The following MSN variants were observed in gnomAD, a reference collection of about 807,000 sequenced individuals.
The protein encoded by MSN is moesin.
In MSN, 2 loss-of-function variants were observed where a neutral mutation model predicts 48.0. That is an observed-to-expected ratio of 0.04 (90% CI 0.02 to 0.13). The LOEUF is 0.13. Among genes scored for constraint, MSN ranks in the 10% least tolerant of loss-of-function variants. MSN has a pLI of 1.00. For missense variants in MSN, 267 were observed against 470.1 expected, an observed-to-expected ratio of 0.57 and a Z score of 3.99; for synonymous variants, 146 against 166.9, an observed-to-expected ratio of 0.87 and a Z score of 0.97.
intron 1 of MSN, among the ~76,000 whole-genome samples, chrX:65,593,858 A>G (rs1350125181): frequency 8.9e-6 from 1 of 112,683 alleles, no homozygotes; most frequent in African/African-American, 3.2e-5. Context: ...ATTATTTGGT[A>G]GGGTAAAAAG....
intron 10 of MSN, 101 bp from the exon 11 acceptor site, chrX:65,738,424 C>A: frequency 4.9e-6 from 3 of 612,559 alleles, no homozygotes; most frequent in Non-Finnish European, 7.6e-6. Context: ...GCAAGTGGAG[C>A]AGTAGGTCCC....
intron 1 of MSN, among the ~76,000 whole-genome samples, chrX:65,602,386 T>C (rs2070243284): frequency 8.9e-6 from 1 of 112,060 alleles, no homozygotes; most frequent in African/African-American, 3.3e-5. Context: ...CCCAGCTGTA[T>C]GCAACAGTCT....
In MSN at chrX:65,694,083, A is replaced by C. The variant is rs12013454; in HGVS notation, c.13-22735A>C. Among the ~76,000 whole-genome samples, 335 of 110,556 alleles carry C rather than the reference A, an allele frequency of 3.0e-3. 2 individuals are homozygous for C. Among genetic ancestry groups the C allele is most frequent in the African/African-American group, 8.4e-3 (254 of 30,351 alleles). On this transcript the variant is annotated intron_variant, in intron 1 of 12. Transcript: ENST00000360270. ...AACACACAAACAAAAAACAAAAAAA[A>C]AAAACAAAACGGAGGATAGTACTGA...
At position 65,729,491 on chromosome X, in the gene MSN, C is replaced by G. The variant is rs2147511555; in HGVS notation, c.246C>G (p.Ala82=). The change falls in exon 4 of 13, where the codon GCC becomes GCG. Residue 82 remains alanine, a synonymous_variant. Transcript: ENST00000360270. ...KESPLLFKFR[A]KFYPEDVSEE... is the part of the protein sequence containing the mutation. Reference sequence around the variant, plus strand: ...GCCCCCTGCTCTTTAAGTTCCGTGCCAAGTTCTACCCTGAGGATGTGTCCG... The same window carrying G: ...GCCCCCTGCTCTTTAAGTTCCGTGCGAAGTTCTACCCTGAGGATGTGTCCG... The G allele has an allele frequency of 7.4e-6, 9 of 1,211,658 alleles. No individual in the cohort carries two copies. The highest frequency in any genetic ancestry group is 7.8e-6 in the Non-Finnish European group (7 of 895,494).
intron 1 of MSN, among the ~76,000 whole-genome samples, chrX:65,681,919 T>A (rs1021972446): frequency 9.0e-6 from 1 of 111,359 alleles, no homozygotes; most frequent in Non-Finnish European, 1.9e-5. Flanking sequence ...GCCAGTTTTT[T>A]ATTTTTTTTT....
chrX:65,614,925 A>G, intron 1 of MSN, among the ~76,000 whole-genome samples: 1 of 82,856 alleles, frequency 1.2e-5, no homozygotes, highest in South Asian at 7.0e-4. Context: ...TCATTGTTCA[A>G]TTCCCACCTA....
rs200833135 is a variant in MSN, at chrX:65,738,521, G to A, written c.1252-4G>A. On this transcript the variant is annotated splice_polypyrimidine_tract_variant and splice_region_variant and intron_variant, in intron 10 of 12. Coordinates refer to ENST00000360270, the MANE Select transcript of MSN (RefSeq NM_002444.3). ...GCTCTCACAGGCTTCCAATTTATCC[G>A]TAGGCCTTGGAAATGGCAGAGCTGA... 1.8e-4 allele frequency: 215 copies of A among 1,201,062 alleles called. No homozygotes were observed. In the African/African-American group the frequency reaches 3.1e-3, roughly 17 times the overall value.
At chrX:65,676,813 A>G (rs1404513053) in intron 1 of MSN, among the ~76,000 whole-genome samples, 1 of 107,502 alleles carries the variant, frequency 9.3e-6, no homozygotes, top group African/African-American at 3.4e-5. Flanking sequence ...CCCATGATCC[A>G]TTTCCTTTTT....
In MSN at chrX:65,618,416, G is replaced by T. The variant is rs749679318; in HGVS notation, c.-22+29804G>T. ...ATGTATTGGGTGCATATATATTTAG[G>T]ATAGTTAGCTCTTCTTGTTGAATTG... On this transcript the variant is annotated intron_variant, in intron 1 of 3. Coordinates refer to the MSN transcript ENST00000609672. Among the ~76,000 whole-genome samples the T allele has an allele frequency of 4.3e-3, 474 of 111,287 alleles. 2 individuals are homozygous for T. The highest frequency in any genetic ancestry group is 7.2e-3 in the Non-Finnish European group (383 of 53,044).
chrX:65,617,903 T>G (rs185682203), intron 1 of MSN, among the ~76,000 whole-genome samples: 3 of 109,970 alleles, frequency 2.7e-5, no homozygotes, highest in Non-Finnish European at 5.7e-5. Context: ...TCTGGTATGT[T>G]GTGTCTTTGT....
rs773670381 is a variant in MSN, at chrX:65,698,791, GTC to G, written c.13-18020_13-18019del. Among the ~76,000 whole-genome samples the G allele has an allele frequency of 8.0e-5, 9 of 112,148 alleles. No individual in the cohort carries two copies. In the East Asian group the frequency reaches 2.5e-3, roughly 32 times the overall value. On this transcript the variant is annotated intron_variant, in intron 1 of 12. Coordinates refer to ENST00000360270, the MANE Select transcript of MSN (RefSeq NM_002444.3). ...TAGAGATTGACCTTTGCTCATGCTG[GTC>G]TCTCTCCACAGTTTTCTACTGTGGG... is the stretch of plus-strand genomic sequence containing the variant.
chrX:65,603,799 T>C (rs2070256764), intron 1 of MSN, among the ~76,000 whole-genome samples: 1 of 111,713 alleles, frequency 9.0e-6, no homozygotes, highest in African/African-American at 3.3e-5. Context: ...AGCAGGCTCT[T>C]GTGATCCAGG....
At chrX:65,697,720 T>G (rs2071259428) in intron 1 of MSN, among the ~76,000 whole-genome samples, 1 of 112,704 alleles carries the variant, frequency 8.9e-6, no homozygotes, top group African/African-American at 3.2e-5. Flanking sequence ...ATTTTTGCAT[T>G]TCCTGGTTTG....
At chrX:65,643,665 G>C (rs750750294) in intron 1 of MSN, among the ~76,000 whole-genome samples, 1 of 111,829 alleles carries the variant, frequency 8.9e-6, no homozygotes, top group Admixed American at 9.5e-5. Flanking sequence ...CCAGGGCTAT[G>C]AATCACTAAA....
chrX:65,714,282 G>A lies in MSN; in HGVS notation c.13-2536G>A, dbSNP rs756759831. On this transcript the variant is annotated intron_variant, in intron 1 of 12. Coordinates refer to ENST00000360270, the MANE Select transcript of MSN (RefSeq NM_002444.3). ...GAATAGTGCTTCAATGCACATGCGC[G>A]TTTATGTATTTTTATGATAGAATGA... Among the ~76,000 whole-genome samples the A allele has an allele frequency of 6.3e-5, 7 of 111,646 alleles. No homozygotes were observed. The East Asian group carries it at 8.4e-4, about 13-fold the overall frequency.
At chrX:65,601,475 T>G (rs967232325) in intron 1 of MSN, among the ~76,000 whole-genome samples, 2 of 112,447 alleles carry the variant, frequency 1.8e-5, no homozygotes, top group African/African-American at 6.5e-5. Context: ...GGGAAATCAT[T>G]CTCTGACCCA....
chrX:65,594,362 A>C (rs2070171018), intron 1 of MSN, among the ~76,000 whole-genome samples: 1 of 110,355 alleles, frequency 9.1e-6, no homozygotes, highest in Non-Finnish European at 1.9e-5. Flanking sequence ...AAATAAAAGT[A>C]GAGAAGACTG....
At chrX:65,600,745 G>C (rs916141537) in intron 1 of MSN, 1 of 112,035 alleles carries the variant, frequency 8.9e-6, no homozygotes, top group Non-Finnish European at 1.9e-5. Flanking sequence ...CTGCTGCCTT[G>C]TGAAGGTAAT....
At chrX:65,609,034 G>C (rs937389339) in intron 1 of MSN, among the ~76,000 whole-genome samples, 1 of 107,886 alleles carries the variant, frequency 9.3e-6, no homozygotes, top group Non-Finnish European at 1.9e-5. Context: ...ACTTAACTGG[G>C]GCTTGTATTA....
Sources: allele counts gnomAD v4.1 joint callset (sites outside exome capture counted in the v4.1 genomes callset), GRCh38; gene constraint gnomAD v4.1.1; transcripts MANE v1.5; gene names NCBI Gene and HGNC (gene_info 2026-07-23, HGNC 2026-07-21).